The following MTAP variants were observed in gnomAD, a reference collection of about 807,000 sequenced individuals.
MTAP encodes methylthioadenosine phosphorylase, also known as S-methyl-5'-thioadenosine phosphorylase.
Under a neutral mutation model 33.6 loss-of-function variants are expected in MTAP, and 33 were observed. That is an observed-to-expected ratio of 0.98 (90% CI 0.74 to 1.31). The LOEUF (loss-of-function observed/expected upper bound fraction) is 1.31, where lower values mean the gene tolerates loss of function less well. MTAP is among the 40% of genes most tolerant of loss of function. The pLI, the probability that MTAP is intolerant of heterozygous loss-of-function variation, is 0.00. For missense variants in MTAP, 367 were observed against 360.0 expected (o/e 1.02, Z -0.16); for synonymous variants, 148 against 125.7 (o/e 1.18, Z -1.19).
downstream of MTAP, among the ~76,000 whole-genome samples, chr9:21,938,657 C>T (rs1423929185): frequency 6.6e-6 from 1 of 152,074 alleles, no homozygotes; most frequent in Non-Finnish European, 1.5e-5. Context: ...TCAGAAATAA[C>T]AAATTACATT....
chr9:21,898,933 T>C (rs1233935459), intron 1 of MTAP, among the ~76,000 whole-genome samples: 17 of 152,056 alleles, frequency 1.1e-4, no homozygotes, highest in Admixed American at 9.8e-4. Flanking sequence ...CACATGCACA[T>C]GTATGTTTAT....
At chr9:21,803,052 TCTGCACCC>T in intron 1 of MTAP, 1 of 795,880 alleles carries the variant, frequency 1.3e-6, no homozygotes, top group Non-Finnish European at 1.6e-6. Context: ...TTTTGGCTTA[TCTGCACCC>T]GCACCCTGTA....
chr9:21,929,017 C>A (rs1407317522), intron 1 of MTAP, among the ~76,000 whole-genome samples: 1 of 152,048 alleles, frequency 6.6e-6, no homozygotes, highest in African/African-American at 2.4e-5. Context: ...CTGTATCTTC[C>A]AGGCTCTAGT....
At chr9:21,836,698 T>G (rs1825116032) in intron 4 of MTAP, among the ~76,000 whole-genome samples, 1 of 152,226 alleles carries the variant, frequency 6.6e-6, no homozygotes, top group East Asian at 1.9e-4. Flanking sequence ...GCTTTGGGGT[T>G]AACTTAGCAT....
At chr9:21,812,456 C>G (rs1040526104) in intron 1 of MTAP, 2 of 152,906 alleles carry the variant, frequency 1.3e-5, no homozygotes, top group Non-Finnish European at 2.9e-5. Flanking sequence ...GATTGACTCC[C>G]TATTTCAGAA....
At chr9:21,915,000 T>TTTCTTTCCTTCCTTCCTTCCTTCCTTCC (rs1818653525) in intron 1 of MTAP, among the ~76,000 whole-genome samples, 51 of 83,744 alleles carry the variant, frequency 6.1e-4, no homozygotes, top group African/African-American at 2.7e-3. Flanking sequence ...CTTTGTTTTC[T>TTTCTTTCCTTCCTTCCTTCCTTCCTTCC]TTCCTTCCTT....
intron 5 of MTAP, among the ~76,000 whole-genome samples, chr9:21,846,205 G>A (rs146523369): frequency 1.3e-5 from 2 of 152,254 alleles, no homozygotes; most frequent in African/African-American, 4.8e-5. Flanking sequence ...CTTAGGCAAA[G>A]AGTTCATGAT....
At chr9:21,936,584 C>A (rs909632087) in exon 8 of MTAP, 8 of 152,062 alleles carry the variant, frequency 5.3e-5, no homozygotes, top group Admixed American at 5.2e-4. Context: ...TACAAAGGAA[C>A]TAAATATATT....
Position 21,802,770 on chromosome 9 carries a change from A to G in MTAP, c.22A>G (p.Thr8Ala). The part of the protein sequence containing the change: MASGTTT[T>A]AVKIGIIGGT... The stretch of plus-strand genomic sequence containing the variant: ...AGACATGGCCTCTGGCACCACCACC[A>G]CCGCCGTGAAGGTGAGATGAGCCCT... The change falls in exon 1 of 8, where the codon ACC becomes GCC. Residue 8 changes from threonine (T) to alanine (A), a missense_variant. Coordinates refer to ENST00000644715, the MANE Select transcript of MTAP (RefSeq NM_002451.4). 1.9e-6 allele frequency: 3 copies of G among 1,611,016 alleles called. No individual in the cohort carries two copies. The highest frequency in any genetic ancestry group is 1.1e-5 in the South Asian group (1 of 90,922).
intron 5 of MTAP, among the ~76,000 whole-genome samples, chr9:21,840,239 A>C (rs1014352273): frequency 1.3e-5 from 2 of 151,972 alleles, no homozygotes; most frequent in African/African-American, 2.4e-5. Flanking sequence ...AAAAAAAGTA[A>C]AGAAAAGACA....
At chr9:21,917,041 G>A (rs577841833) in intron 1 of MTAP, among the ~76,000 whole-genome samples, 10 of 152,330 alleles carry the variant, frequency 6.6e-5, no homozygotes, top group African/African-American at 2.2e-4. Flanking sequence ...CCAAAGGATT[G>A]AATGTAGGTT....
At chr9:21,881,243 C>T (rs762327448) in intron 1 of MTAP, among the ~76,000 whole-genome samples, 17 of 152,002 alleles carry the variant, frequency 1.1e-4, no homozygotes, top group Non-Finnish European at 2.1e-4. Flanking sequence ...CCACCATACA[C>T]AAAAATTAAC....
chr9:21,812,887 C>T (rs1426016471), intron 1 of MTAP, among the ~76,000 whole-genome samples: 1 of 152,222 alleles, frequency 6.6e-6, no homozygotes, highest in African/African-American at 2.4e-5. Flanking sequence ...TGATTGGCCC[C>T]TGGACGAGGT....
intron 1 of MTAP, among the ~76,000 whole-genome samples, chr9:21,916,381 G>C (rs1028059650): frequency 6.6e-6 from 1 of 151,914 alleles, no homozygotes; most frequent in Non-Finnish European, 1.5e-5. Flanking sequence ...AGGCCGAGAC[G>C]GGTGGATCAC....
At chr9:21,821,670 T>C (rs7865882) in intron 4 of MTAP, among the ~76,000 whole-genome samples, 27,171 of 151,932 alleles carry the variant, frequency 0.18, 2,939 homozygotes, top group East Asian at 0.35. Context: ...CCCTCTTTTT[T>C]TATTGATTGG....
chr9:21,890,506 A>G (rs1219742407), intron 1 of MTAP, among the ~76,000 whole-genome samples: 2 of 151,968 alleles, frequency 1.3e-5, no homozygotes, highest in South Asian at 2.1e-4. Context: ...ACAGAGTTCA[A>G]CTGGACGTTT....
rs369819046 is a variant in MTAP, at chr9:21,854,817, G to A, written c.637G>A (p.Ala213Thr). The A allele has an allele frequency of 1.2e-5, 20 of 1,614,124 alleles. No homozygotes were observed. Among genetic ancestry groups the A allele is most frequent in the Middle Eastern group, 1.6e-4 (1 of 6,062 alleles). The change falls in exon 6 of 8, where the codon GCA becomes ACA. Residue 213 changes from alanine to threonine, a missense_variant. By Grantham distance (58) the Ala-to-Thr change is moderately conservative. Transcript: ENST00000644715. The part of the protein sequence containing the change: ...VLAKEAGICY[A>T]SIAMATDYDC... Reference sequence around the variant, plus strand: ...TGCTAAGGAGGCTGGAATTTGTTACGCAAGTATCGCCATGGCGACAGATTA... The same window carrying A: ...TGCTAAGGAGGCTGGAATTTGTTACACAAGTATCGCCATGGCGACAGATTA...
downstream of MTAP, chr9:21,935,293 T>G (rs1587309090): frequency 6.6e-6 from 1 of 152,340 alleles, no homozygotes; most frequent in Non-Finnish European, 1.5e-5. Context: ...TGTCAACTTC[T>G]TAACAAAAGA....
chr9:21,835,330 C>T (rs146360180), intron 4 of MTAP, among the ~76,000 whole-genome samples: 3 of 152,026 alleles, frequency 2.0e-5, no homozygotes, highest in Non-Finnish European at 4.4e-5. Flanking sequence ...TAATACCTCA[C>T]GAAGAAAGAA....
Sources: allele counts gnomAD v4.1 joint callset (sites outside exome capture counted in the v4.1 genomes callset), GRCh38; gene constraint gnomAD v4.1.1; transcripts MANE v1.5; gene names NCBI Gene and HGNC (gene_info 2026-07-23, HGNC 2026-07-21).